Variants in DHRS4L2 observed in about 807,000 individuals in gnomAD.
DHRS4L2 encodes dehydrogenase/reductase SDR family member 4-like 2.
In DHRS4L2, 22 loss-of-function variants were observed where a neutral mutation model predicts 23.9. The ratio of observed to expected loss-of-function variants is 0.92; its 90% confidence interval spans 0.66 to 1.31. The LOEUF (loss-of-function observed/expected upper bound fraction) is 1.31. DHRS4L2 is among the 40% of genes most tolerant of loss of function. The pLI is 0.00. For missense variants in DHRS4L2, 385 were observed against 303.3 expected, an observed-to-expected ratio of 1.27 and a Z score of -2.00; for synonymous variants, 141 against 123.7, an observed-to-expected ratio of 1.14 and a Z score of -0.93.
chr14:23,997,983 A>G (rs1255459023), intron 3 of DHRS4L2, among the ~76,000 whole-genome samples: 1 of 151,836 alleles, frequency 6.6e-6, no homozygotes, highest in Non-Finnish European at 1.5e-5. Flanking sequence ...TTCTTAAATA[A>G]TAAGTCTTGG....
chr14:23,994,611 C>G (rs2034339926), intron 2 of DHRS4L2, among the ~76,000 whole-genome samples: 1 of 151,574 alleles, frequency 6.6e-6, no homozygotes, highest in South Asian at 2.1e-4. Flanking sequence ...TGGCTTGAAC[C>G]CAGTAGGTCA....
At chr14:23,992,351 G>A (rs2034287354) in intron 2 of DHRS4L2, among the ~76,000 whole-genome samples, 2 of 151,570 alleles carry the variant, frequency 1.3e-5, no homozygotes, top group South Asian at 2.1e-4. Context: ...GGGAAATAGA[G>A]AAGTCAAAAA....
intron 3 of DHRS4L2, among the ~76,000 whole-genome samples, chr14:23,999,268 C>T (rs2034438749): frequency 6.8e-6 from 1 of 146,856 alleles, no homozygotes; most frequent in South Asian, 2.2e-4. Flanking sequence ...CAAAATGTGA[C>T]CCAGAGACAA....
In DHRS4L2 at chr14:23,990,173, T is replaced by A. The variant is rs781724567; in HGVS notation, c.129-9T>A. 6.2e-7 allele frequency: 1 copy of A among 1,612,544 alleles called. No individual in the cohort carries two copies. The highest frequency in any genetic ancestry group is 1.7e-5 in the Admixed American group (1 of 59,906). On this transcript the variant is annotated splice_polypyrimidine_tract_variant and intron_variant, in intron 1 of 7. Coordinates refer to ENST00000335125, the MANE Select transcript of DHRS4L2 (RefSeq NM_198083.4). Reference sequence around the variant, plus strand: ...GGCCTTAGCAGTCTTTGTCTCTTTCTGCTCACAGGATCGGCTTCGCCATCG... The same window carrying A: ...GGCCTTAGCAGTCTTTGTCTCTTTCAGCTCACAGGATCGGCTTCGCCATCG...
exon 1 of DHRS4L2, chr14:23,969,970 G>C: frequency 2.2e-6 from 1 of 454,534 alleles, no homozygotes; most frequent in South Asian, 1.5e-5. Context: ...TGTCTGGAGC[G>C]GGCTCGCCTC....
At chr14:23,993,910 A>G (rs548630156) in intron 2 of DHRS4L2, among the ~76,000 whole-genome samples, 1 of 151,674 alleles carries the variant, frequency 6.6e-6, no homozygotes, top group African/African-American at 2.4e-5. Context: ...AAAGTGGGAG[A>G]CTGACCTCAC....
At chr14:23,997,575 A>G (rs368779986) in intron 3 of DHRS4L2, among the ~76,000 whole-genome samples, 2 of 145,694 alleles carry the variant, frequency 1.4e-5, no homozygotes, top group South Asian at 4.3e-4. Context: ...TTTCAACAAT[A>G]TTCATGGCAT....
intron 2 of DHRS4L2, 75 bp downstream of exon 2, chr14:23,990,434 C>T: frequency 6.7e-7 from 1 of 1,502,434 alleles, no homozygotes; most frequent in Admixed American, 2.3e-5. Context: ...CCCTGCTTTC[C>T]TAGACAGCAG....
intron 1 of DHRS4L2, among the ~76,000 whole-genome samples, chr14:23,971,022 TA>T (rs889396964): frequency 6.6e-6 from 1 of 152,042 alleles, no homozygotes; most frequent in African/African-American, 2.4e-5. Flanking sequence ...CAAAGGTAGA[TA>T]AAACCACAAA....
In DHRS4L2 at chr14:23,999,038, G is replaced by A. The variant is rs1049003261; in HGVS notation, c.409-1825G>A. On this transcript the variant is annotated intron_variant, in intron 3 of 7. Transcript: ENST00000335125. ...TAGTTGGCCTAATTTCAATGTAAAT[G>A]TGTCTCAGGGAATATGGAGGTCCAC... 2.0e-5 allele frequency among the ~76,000 whole-genome samples: 3 copies of A among 149,860 alleles called. No individual in the cohort carries two copies. In the East Asian group the frequency reaches 5.9e-4, roughly 29 times the overall value.
intron 2 of DHRS4L2, among the ~76,000 whole-genome samples, chr14:23,991,485 C>A (rs553177586): frequency 4.6e-5 from 7 of 151,926 alleles, no homozygotes; most frequent in African/African-American, 1.7e-4. Flanking sequence ...CTGTGCCCCC[C>A]ACCAGGTTCA....
At chr14:23,982,538 G>A (rs1295110396) in intron 1 of DHRS4L2, among the ~76,000 whole-genome samples, 3 of 109,600 alleles carry the variant, frequency 2.7e-5, no homozygotes, top group Non-Finnish European at 5.0e-5. Context: ...GAGGCATCAC[G>A]CTACCTGACT....
chr14:23,983,434 T>G (rs1009336026), intron 1 of DHRS4L2, among the ~76,000 whole-genome samples: 10 of 151,688 alleles, frequency 6.6e-5, no homozygotes, highest in South Asian at 2.1e-4. Context: ...CTGTTGGTGG[T>G]AGTGTAAATT....
At chr14:23,993,428 C>G (rs2034309257) in intron 2 of DHRS4L2, among the ~76,000 whole-genome samples, 3 of 151,712 alleles carry the variant, frequency 2.0e-5, no homozygotes, top group African/African-American at 7.3e-5. Flanking sequence ...AAACGGGAAG[C>G]TAGCAGATGG....
upstream of DHRS4L2, among the ~76,000 whole-genome samples, chr14:23,985,703 C>A (rs2034127115): frequency 6.6e-6 from 1 of 151,518 alleles, no homozygotes; most frequent in South Asian, 2.1e-4. Context: ...TGAAAGGTTT[C>A]TTGTTCCTCT....
At chr14:23,995,236 G>C in intron 3 of DHRS4L2, 103 bp downstream of exon 3, 1 of 1,379,444 alleles carries the variant, frequency 7.2e-7, no homozygotes, top group East Asian at 2.3e-5. Flanking sequence ...GTAAATGTGA[G>C]GACTCTTTGC....
At chr14:23,990,711 G>A in intron 2 of DHRS4L2, 1 of 1,003,442 alleles carries the variant, frequency 1.0e-6, no homozygotes. Context: ...TCAAGTCCCT[G>A]GGAACCTCAG....
Position 24,001,442 on chromosome 14 carries a change from C to A in DHRS4L2, c.590C>A (p.Ala197Asp), listed in dbSNP as rs747699153. Residue 197 changes from alanine (A) to aspartate (D), a missense_variant, in exon 6 of 8, where the codon GCC (alanine) becomes GAC (aspartate). Transcript: ENST00000335125. ...TTGCTGGGCCTCAACAATACCCTGG[C>A]CATAGAGCTGGCCCCAAGGAACATT... Reference protein sequence around the residue: ...TALLGLNNTLAIELAPRNIRV... With the variant: ...TALLGLNNTLDIELAPRNIRV... The A allele has an allele frequency of 3.7e-6, 6 of 1,607,340 alleles. No homozygotes were observed. Among genetic ancestry groups the A allele is most frequent in the Non-Finnish European group, 5.1e-6 (6 of 1,179,324 alleles).
chr14:23,997,747 C>T (rs1288133087), intron 3 of DHRS4L2, among the ~76,000 whole-genome samples: 1 of 151,298 alleles, frequency 6.6e-6, no homozygotes, highest in African/African-American at 2.4e-5. Flanking sequence ...ATCTGCAGTT[C>T]CTTCCTCTGA....
Sources: gnomAD v4.1 joint callset for allele counts (sites outside exome capture counted in the v4.1 genomes callset) on GRCh38, gnomAD v4.1.1 for gene constraint, MANE v1.5 for transcripts, NCBI Gene and HGNC (gene_info 2026-07-23, HGNC 2026-07-21) for gene names.